CELF4: variants seen among roughly 807,000 people sequenced by gnomAD.
The protein encoded by CELF4 is CUGBP Elav-like family member 4.
A neutral mutation model predicts 59.9 loss-of-function variants in CELF4; 18 were observed. The observed-to-expected ratio is 0.30, with a 90% CI of 0.21 to 0.45. The LOEUF is 0.45. CELF4 is among the 20% of genes least tolerant of loss of function. CELF4 has a pLI of 1.00. For synonymous variants in CELF4, 261 were observed against 267.1 expected (o/e 0.98, Z 0.22); for missense variants, 456 against 689.0 (o/e 0.66, Z 3.79).
chr18:37,541,741 G>A lies in CELF4; in HGVS notation c.286+23615C>T, dbSNP rs533186111. On this transcript the variant is annotated intron_variant, in intron 1 of 12. Coordinates refer to ENST00000420428, the MANE Select transcript of CELF4 (RefSeq NM_020180.4). ...ACACACAAAGCCCATTCCTGCCTCC[G>A]GGCCTTTGCACCTGCTGTTCTCTCT... Among the ~76,000 whole-genome samples the A allele has an allele frequency of 7.2e-5, 11 of 151,792 alleles. 1 individual carries two copies. In the South Asian group the frequency reaches 1.7e-3, roughly 23 times the overall value.
chr18:37,337,728 C>T (rs1172609305), intron 2 of CELF4, among the ~76,000 whole-genome samples: 1 of 152,222 alleles, frequency 6.6e-6, no homozygotes, highest in Non-Finnish European at 1.5e-5. Context: ...AGATTTGCCA[C>T]TCAGTGACAG....
At chr18:37,520,808 GCT>G (rs967923470) in intron 1 of CELF4, among the ~76,000 whole-genome samples, 2 of 152,158 alleles carry the variant, frequency 1.3e-5, no homozygotes, top group Non-Finnish European at 2.9e-5. Flanking sequence ...CTAGCACACT[GCT>G]ATGCTCACAG....
chr18:37,427,044 G>C (rs1030908544), intron 2 of CELF4, among the ~76,000 whole-genome samples: 43 of 152,066 alleles, frequency 2.8e-4, no homozygotes, highest in Admixed American at 7.2e-4. Context: ...ACACGGGGGG[G>C]GGGGAAGCTG....
chr18:37,417,740 G>C (rs1455480966), intron 2 of CELF4, among the ~76,000 whole-genome samples: 1 of 152,218 alleles, frequency 6.6e-6, no homozygotes, highest in Non-Finnish European at 1.5e-5. Context: ...AGGCCAGTCT[G>C]ATTCTAATCT....
At chr18:37,283,533 G>A (rs888639068) in intron 3 of CELF4, among the ~76,000 whole-genome samples, 1 of 152,202 alleles carries the variant, frequency 6.6e-6, no homozygotes, top group Middle Eastern at 3.2e-3. Flanking sequence ...GCATGTAGTA[G>A]ATGCTCAATA....
intron 2 of CELF4, among the ~76,000 whole-genome samples, chr18:37,340,455 T>C (rs1483112469): frequency 6.6e-6 from 1 of 152,210 alleles, no homozygotes; most frequent in Non-Finnish European, 1.5e-5. Context: ...GTAGGTTCTC[T>C]GAATTGGGGA....
At chr18:37,430,982 G>T (rs1179501927) in intron 2 of CELF4, among the ~76,000 whole-genome samples, 1 of 152,204 alleles carries the variant, frequency 6.6e-6, no homozygotes, top group Non-Finnish European at 1.5e-5. Context: ...CACAACCCTG[G>T]TCTGGGGAAC....
In CELF4 at chr18:37,254,286, C is replaced by T. The variant is rs2067704066; in HGVS notation, c.1334-348G>A. Among the ~76,000 whole-genome samples, 1 of 151,614 alleles carries T rather than the reference C, an allele frequency of 6.6e-6. No homozygotes were observed. The highest frequency in any genetic ancestry group is 1.5e-5 in the Non-Finnish European group (1 of 67,800). The stretch of plus-strand genomic sequence containing the variant: ...CCCGGCACCTCAGCCCTCGCCTCGG[C>T]GGGAGAGGGCGGACACACCTGCGGG... On this transcript the variant is annotated intron_variant, in intron 11 of 12. Coordinates refer to ENST00000420428, the MANE Select transcript of CELF4 (RefSeq NM_020180.4). This position sits in a 1 kb window ranked among gnomAD's most constrained non-coding sequence, Gnocchi z 5.1.
chr18:37,387,302 G>C (rs1396631668), intron 2 of CELF4, among the ~76,000 whole-genome samples: 1 of 152,206 alleles, frequency 6.6e-6, no homozygotes, highest in East Asian at 1.9e-4. Context: ...GCCAGGCCTT[G>C]CTCCCTCCCC....
At chr18:37,409,405 G>T (rs1036293848) in intron 2 of CELF4, among the ~76,000 whole-genome samples, 8 of 152,286 alleles carry the variant, frequency 5.3e-5, no homozygotes, top group African/African-American at 9.6e-5. Flanking sequence ...GCCTCATTGT[G>T]GGGGAGGGTT....
At chr18:37,477,086 C>T (rs772796719) in intron 2 of CELF4, among the ~76,000 whole-genome samples, 33 of 152,346 alleles carry the variant, frequency 2.2e-4, no homozygotes, top group East Asian at 7.7e-4. Flanking sequence ...TCTGGAAATG[C>T]CAAGGCCAGC....
chr18:37,332,089 C>T (rs1327244493), intron 2 of CELF4, among the ~76,000 whole-genome samples: 1 of 152,122 alleles, frequency 6.6e-6, no homozygotes, highest in Non-Finnish European at 1.5e-5. Context: ...TTGTTCAGTT[C>T]CAGAATGACC....
intron 1 of CELF4, among the ~76,000 whole-genome samples, chr18:37,564,481 C>T (rs1366480675): frequency 6.6e-6 from 1 of 152,162 alleles, no homozygotes; most frequent in African/African-American, 2.4e-5. Flanking sequence ...TCTCCCCCTC[C>T]CCCAAGCACT....
intron 2 of CELF4, among the ~76,000 whole-genome samples, chr18:37,480,732 G>A (rs1209542831): frequency 1.3e-5 from 2 of 152,040 alleles, no homozygotes; most frequent in African/African-American, 4.8e-5. Context: ...GAAAGAGGGA[G>A]GGAGGAGAGG....
At chr18:37,314,619 G>A (rs536447960) in intron 3 of CELF4, among the ~76,000 whole-genome samples, 5 of 152,260 alleles carry the variant, frequency 3.3e-5, no homozygotes, top group African/African-American at 9.6e-5. Context: ...CCTCTGAAAC[G>A]TCCCAGGGGT....
At chr18:37,291,471 G>A (rs11081995) in intron 3 of CELF4, among the ~76,000 whole-genome samples, 2,941 of 152,270 alleles carry the variant, frequency 0.019, 97 homozygotes, top group African/African-American at 0.067. Context: ...TGCCTTCAGC[G>A]AAGATAAAAT....
rs533691804 is a variant in CELF4 at position 37,321,637 on chromosome 18, C to T, written c.448+166G>A. Among the ~76,000 whole-genome samples, 6 of 152,346 alleles carry T rather than the reference C, an allele frequency of 3.9e-5. No homozygotes were observed. The South Asian group carries it at 1.0e-3, about 26-fold the overall frequency. Reference sequence around the variant, plus strand: ...CCCCCTTCCCTCCTGTCTCTCTCCACACCAGTCACCCAGAGCTCCAAAGCT... The same window carrying T: ...CCCCCTTCCCTCCTGTCTCTCTCCATACCAGTCACCCAGAGCTCCAAAGCT... On this transcript the variant is annotated intron_variant, in intron 3 of 12. Coordinates refer to ENST00000420428, the MANE Select transcript of CELF4 (RefSeq NM_020180.4).
At chr18:37,289,930 G>A (rs2095215448) in intron 3 of CELF4, among the ~76,000 whole-genome samples, 1 of 152,208 alleles carries the variant, frequency 6.6e-6, no homozygotes, top group South Asian at 2.1e-4. Flanking sequence ...AAATGTGGTG[G>A]CTCTGGTCAC....
chr18:37,262,182 C>T (rs536202215), intron 10 of CELF4, among the ~76,000 whole-genome samples: 13 of 152,364 alleles, frequency 8.5e-5, no homozygotes, highest in South Asian at 2.1e-4. Flanking sequence ...TGACAAACCA[C>T]TCCCAGTGCC....
Sources: gnomAD v4.1 joint callset for allele counts (sites outside exome capture counted in the v4.1 genomes callset) on GRCh38, gnomAD v4.1.1 for gene constraint, Gnocchi (gnomAD v3.1) non-coding constraint, MANE v1.5 for transcripts, NCBI Gene and HGNC (gene_info 2026-07-23, HGNC 2026-07-21) for gene names.